ZNF365: variants seen among roughly 807,000 people sequenced by gnomAD.
The protein encoded by ZNF365 is protein ZNF365.
ZNF365 carries 22 observed loss-of-function variants against 35.0 expected under a neutral mutation model. That is an observed-to-expected ratio of 0.63 (90% CI 0.45 to 0.90). The LOEUF (loss-of-function observed/expected upper bound fraction) is 0.90, where lower values mean the gene tolerates loss of function less well. Among genes scored for constraint, ZNF365 ranks in the 40% least tolerant of loss-of-function variants. The pLI is 0.00. For missense variants in ZNF365, 448 were observed against 500.3 expected (o/e 0.90, Z 1.00); for synonymous variants, 188 against 196.2 (o/e 0.96, Z 0.35).
At chr10:62,455,811 A>G (rs1455838157) in intron 3 of ZNF365, among the ~76,000 whole-genome samples, 1 of 152,212 alleles carries the variant, frequency 6.6e-6, no homozygotes, top group Non-Finnish European at 1.5e-5. Context: ...TTTACTGATA[A>G]GTGAATTGAA....
At chr10:62,467,513 T>C (rs1000116482) in intron 4 of ZNF365, among the ~76,000 whole-genome samples, 2 of 152,264 alleles carry the variant, frequency 1.3e-5, no homozygotes, top group Non-Finnish European at 2.9e-5. Context: ...ATTGTCTTTT[T>C]TGGCAGACAC....
chr10:62,447,203 T>C (rs946566926), intron 3 of ZNF365, among the ~76,000 whole-genome samples: 7 of 152,180 alleles, frequency 4.6e-5, no homozygotes, highest in Non-Finnish European at 4.4e-5. Context: ...AATACATAAT[T>C]GTACTAAAGA....
chr10:62,448,188 C>G (rs1840621250), intron 3 of ZNF365, among the ~76,000 whole-genome samples: 1 of 152,182 alleles, frequency 6.6e-6, no homozygotes, highest in Non-Finnish European at 1.5e-5. Flanking sequence ...TATTTGTTTA[C>G]AGTGGGCTTT....
intron 4 of ZNF365, among the ~76,000 whole-genome samples, chr10:62,463,250 G>T (rs1465974482): frequency 6.6e-6 from 1 of 152,194 alleles, no homozygotes; most frequent in African/African-American, 2.4e-5. Context: ...GGTGCTTAGG[G>T]TTCAACTTGA....
chr10:62,434,191 C>G (rs1840373644), intron 3 of ZNF365, among the ~76,000 whole-genome samples: 2 of 152,120 alleles, frequency 1.3e-5, no homozygotes, highest in South Asian at 4.2e-4. Flanking sequence ...TTTGTTCAGA[C>G]AAGTTTGGGA....
intron 3 of ZNF365, among the ~76,000 whole-genome samples, chr10:62,450,825 G>A (rs576877967): frequency 6.6e-6 from 1 of 152,178 alleles, no homozygotes; most frequent in Non-Finnish European, 1.5e-5. Context: ...ACATTTCCTG[G>A]ATATTGTGCT....
At chr10:62,380,537 G>A (rs923497645) in intron 2 of ZNF365, among the ~76,000 whole-genome samples, 1 of 152,190 alleles carries the variant, frequency 6.6e-6, no homozygotes, top group East Asian at 1.9e-4. Context: ...ATTTTCAACT[G>A]CATAGGAGAT....
chr10:62,418,923 T>C (rs2132445935), intron 3 of ZNF365, among the ~76,000 whole-genome samples: 2 of 152,064 alleles, frequency 1.3e-5, no homozygotes, highest in Admixed American at 1.3e-4. Flanking sequence ...CTGAACTCTT[T>C]CAGTGCCAGC....
chr10:62,404,558 A>G (rs921256618), downstream of ZNF365, among the ~76,000 whole-genome samples: 1 of 152,098 alleles, frequency 6.6e-6, no homozygotes, highest in African/African-American at 2.4e-5. Flanking sequence ...AATCAGGAAA[A>G]TTTAGGGGAC....
intron 4 of ZNF365, among the ~76,000 whole-genome samples, chr10:62,476,153 C>A (rs1407395170): frequency 1.5e-5 from 2 of 134,244 alleles, no homozygotes; most frequent in East Asian, 5.7e-4. Context: ...ACCTACTGTG[C>A]TTTTTCCTCA....
At chr10:62,383,838 A>G (rs934421804) in intron 2 of ZNF365, among the ~76,000 whole-genome samples, 1 of 152,216 alleles carries the variant, frequency 6.6e-6, no homozygotes, top group African/African-American at 2.4e-5. Context: ...CATCCTGTAA[A>G]TTAATGAACG....
intron 3 of ZNF365, among the ~76,000 whole-genome samples, chr10:62,415,550 TC>T (rs1840061245): frequency 6.6e-6 from 1 of 152,200 alleles, no homozygotes; most frequent in Non-Finnish European, 1.5e-5. Context: ...TAAAAACTCT[TC>T]TGATTTTCAG....
intron 1 of ZNF365, chr10:62,375,782 C>G (rs866292631): frequency 1.1e-4 from 18 of 167,754 alleles, no homozygotes; most frequent in Admixed American, 8.3e-4. Flanking sequence ...TCCATCTGAC[C>G]TTGGATTAAT....
chr10:62,436,276 C>T (rs531919026), intron 3 of ZNF365, among the ~76,000 whole-genome samples: 6 of 152,042 alleles, frequency 3.9e-5, no homozygotes, highest in African/African-American at 1.4e-4. Flanking sequence ...GTTCCAACAG[C>T]CATATAAATT....
chr10:62,440,907 A>T (rs181610101), intron 3 of ZNF365, among the ~76,000 whole-genome samples: 35 of 152,326 alleles, frequency 2.3e-4, no homozygotes, highest in Admixed American at 7.8e-4. Flanking sequence ...CTCTAAAGTC[A>T]TTCCTTTAAA....
intron 2 of ZNF365, among the ~76,000 whole-genome samples, chr10:62,379,379 T>A (rs946948770): frequency 6.6e-5 from 10 of 151,946 alleles, no homozygotes; most frequent in Non-Finnish European, 1.5e-4. Context: ...AATGATATTT[T>A]AAAAAAAGAA....
intron 4 of ZNF365, among the ~76,000 whole-genome samples, chr10:62,479,256 A>T (rs912498455): frequency 6.6e-6 from 1 of 152,238 alleles, no homozygotes; most frequent in South Asian, 2.1e-4. Flanking sequence ...CCTCCCACGT[A>T]GAAGAAAACC....
intron 4 of ZNF365, among the ~76,000 whole-genome samples, chr10:62,474,405 GT>G (rs746304299): frequency 5.9e-5 from 9 of 152,076 alleles, no homozygotes; most frequent in Non-Finnish European, 8.8e-5. Flanking sequence ...TTTTTGTTTT[GT>G]TTTGCCTTAA....
chr10:62,378,915 AT>A (rs1357083883), intron 2 of ZNF365, among the ~76,000 whole-genome samples: 1 of 152,016 alleles, frequency 6.6e-6, no homozygotes, highest in Non-Finnish European at 1.5e-5. Context: ...ATTGATGAAT[AT>A]ATAGTTTTAT....
Sources: gnomAD v4.1 joint callset for allele counts (sites outside exome capture counted in the v4.1 genomes callset) on GRCh38, gnomAD v4.1.1 for gene constraint, MANE v1.5 for transcripts, NCBI Gene and HGNC (gene_info 2026-07-23, HGNC 2026-07-21) for gene names.